The following PIK3IP1 variants were observed in gnomAD, a reference collection of about 807,000 sequenced individuals.
PIK3IP1 encodes phosphoinositide-3-kinase interacting protein 1, also known as phosphoinositide-3-kinase-interacting protein 1.
PIK3IP1 carries 28 observed loss-of-function variants against 30.7 expected under a neutral mutation model. That is an observed-to-expected ratio of 0.91 (90% CI 0.68 to 1.25). The LOEUF is 1.25. Ranked by LOEUF, PIK3IP1 falls within the 50% of genes most tolerant of loss-of-function variation. The probability of loss-of-function intolerance (pLI) is 0.00; values close to 1 mark genes in which losing one functional copy is unlikely to be tolerated. For synonymous variants in PIK3IP1, 159 were observed against 140.8 expected (o/e 1.13, Z -0.91); for missense variants, 333 against 346.2 (o/e 0.96, Z 0.30).
chr22:31,283,053 G>A lies in PIK3IP1; in HGVS notation c.*31C>T, dbSNP rs1601457406. ...GGAGGGTGGGCTGTCCTGCACCAGT[G>A]TCTGCATGGGCTCCTGCCCACTGGG... On this transcript the variant is annotated 3_prime_UTR_variant, in exon 6 of 6. Coordinates refer to ENST00000215912, the MANE Select transcript of PIK3IP1 (RefSeq NM_052880.5). 1 of 1,540,382 alleles carries A rather than the reference G, an allele frequency of 6.5e-7. No individual in the cohort carries two copies. Among genetic ancestry groups the A allele is most frequent in the Non-Finnish European group, 8.8e-7 (1 of 1,133,240 alleles).
chr22:31,283,325 C>G, intron 5 of PIK3IP1, 37 bp from the exon 6 acceptor site: 2 of 1,606,698 alleles, frequency 1.2e-6, no homozygotes, highest in Non-Finnish European at 1.7e-6. Context: ...TCAGGCTATG[C>G]CTCCTGCATA....
At chr22:31,292,020 A>G (rs1057362696) in intron 1 of PIK3IP1, among the ~76,000 whole-genome samples, 1 of 152,176 alleles carries the variant, frequency 6.6e-6, no homozygotes, top group Non-Finnish European at 1.5e-5. Flanking sequence ...GGAGTAGGGG[A>G]GATGAACCCC....
chr22:31,290,977 G>C lies in PIK3IP1; in HGVS notation c.295C>G (p.Leu99Val), dbSNP rs988932134. 2 of 1,605,054 alleles carry C rather than the reference G, an allele frequency of 1.2e-6. No individual in the cohort carries two copies. Among genetic ancestry groups the C allele is most frequent in the Non-Finnish European group, 1.7e-6 (2 of 1,176,846 alleles). ...GVPEKRPCED[L>V]RCPETTSQAL... is the part of the protein sequence containing the mutation. ...CCCGGGCAGGTACCTGGACAGCGCA[G>C]GTCCTCGCAAGGCCGTTTCTCAGGG... The change falls in exon 3 of 6, where the codon CTG becomes GTG. Residue 99 changes from leucine (L) to valine (V), a missense_variant. This residue lies in a region of PIK3IP1 where 217 missense variants were observed against 227.7 expected (regional missense o/e 0.95). Transcript: ENST00000215912.
chr22:31,291,257 T>C lies in PIK3IP1; in HGVS notation c.110A>G (p.Gln37Arg). The C allele has an allele frequency of 6.4e-7, 1 of 1,554,316 alleles. No homozygotes were observed. Among genetic ancestry groups the C allele is most frequent in the Non-Finnish European group, 8.7e-7 (1 of 1,149,472 alleles). The change falls in exon 2 of 6, where the codon CAG becomes CGG. Residue 37 changes from glutamine (Q) to arginine (R), a missense_variant. Gln to Arg is a conservative substitution (Grantham distance 43, BLOSUM62 1). Around this residue, in one of 3 missense-constraint regions of PIK3IP1, gnomAD observed 111 missense variants for 100.1 expected, o/e 1.11. Coordinates refer to ENST00000215912, the MANE Select transcript of PIK3IP1 (RefSeq NM_052880.5). ...GCGGAGGCCCGGCGCGGGGGAGGTC[T>C]GGTCCTCCCGGTACAGGTGGCCGTT... is the stretch of plus-strand genomic sequence containing the variant. The part of the protein sequence containing the change: ...WDNGHLYRED[Q>R]TSPAPGLRCL...
chr22:31,286,463 G>A (rs979656646), intron 5 of PIK3IP1, among the ~76,000 whole-genome samples: 8 of 152,178 alleles, frequency 5.3e-5, no homozygotes, highest in Non-Finnish European at 8.8e-5. Flanking sequence ...GCCCACATGC[G>A]GTTTCCTGTT....
In PIK3IP1 at chr22:31,292,315, G is replaced by A; in HGVS notation, c.30C>T (p.Leu10=). Residue 10 remains leucine (L), a synonymous_variant, in exon 1 of 6, where the codon CTC becomes CTT. Transcript: ENST00000215912. MLLAWVQAF[L]VSNMLLAEAY... is the part of the protein sequence containing the mutation. ...CTTCTGCTAGGAGCATGTTGCTGAC[G>A]AGGAATGCTTGTACCCAGGCCAACA... is the stretch of plus-strand genomic sequence containing the variant. 1 of 1,614,148 alleles carries A rather than the reference G, an allele frequency of 6.2e-7. No individual in the cohort carries two copies. Among genetic ancestry groups the A allele is most frequent in the Non-Finnish European group, 8.5e-7 (1 of 1,180,006 alleles).
Position 31,292,463 on chromosome 22 carries a change from C to A in PIK3IP1, c.-119G>T. On this transcript the variant is annotated 5_prime_UTR_variant, in exon 1 of 6. Coordinates refer to ENST00000215912, the MANE Select transcript of PIK3IP1 (RefSeq NM_052880.5). ...TCAGACCTGCCCTTGTTATGCTGTT[C>A]TGGTAAACAGCCTCTCTTTAGAACT... The A allele has an allele frequency of 1.3e-6, 1 of 766,858 alleles. No individual in the cohort carries two copies. The highest frequency in any genetic ancestry group is 2.3e-6 in the Non-Finnish European group (1 of 441,078). The allele number at this position is 766,858 out of a possible 1,614,324, so 47.5% of individuals were successfully genotyped here. A position where few individuals can be genotyped will look rare whatever the true frequency, so the allele number is the denominator to read the frequency against.
At position 31,290,854 on chromosome 22, in the gene PIK3IP1, G is replaced by A. The variant is rs536394940; in HGVS notation, c.307+111C>T. On this transcript the variant is annotated intron_variant, in intron 3 of 5. Transcript: ENST00000215912. ...ACAGCCCTGGCCAATCGGACGGCGCGGAGGCGGAGCGGGGCCGGCCGGCAT... is the reference window on the plus strand; with the variant it reads ...ACAGCCCTGGCCAATCGGACGGCGCAGAGGCGGAGCGGGGCCGGCCGGCAT... The A allele has an allele frequency of 1.7e-3, 2,348 of 1,397,762 alleles. 5 individuals carry two copies. The highest frequency in any genetic ancestry group is 2.3e-3 in the Admixed American group (69 of 30,440). 86.6% of individuals were successfully genotyped at this position (1,397,762 alleles called of 1,614,324 possible). A position where few individuals can be genotyped will look rare whatever the true frequency, so the allele number is the denominator to read the frequency against.
intron 5 of PIK3IP1, among the ~76,000 whole-genome samples, chr22:31,284,544 T>C (rs2049117171): frequency 6.6e-6 from 1 of 152,104 alleles, no homozygotes; most frequent in South Asian, 2.1e-4. Flanking sequence ...TGGGTGACCT[T>C]TGAGAGGCCA....
chr22:31,290,944 C>T (rs771352902), intron 3 of PIK3IP1, 21 bp downstream of exon 3: 21 of 1,549,066 alleles, frequency 1.4e-5, no homozygotes, highest in Non-Finnish European at 1.7e-5. Flanking sequence ...AGCGGGGATT[C>T]CCGGGGTCCC....
chr22:31,289,512 G>A lies in PIK3IP1; in HGVS notation c.495C>T (p.Asp165=). ...RVRMNSKEKK[D]LGTLGYVLGI... is the part of the protein sequence containing the mutation. Reference sequence around the variant, plus strand: ...GGACCGTCATACCCAGAGTTCCCAGGTCCTTTTTCTCCTTGGAGTTCATCC... The same window carrying A: ...GGACCGTCATACCCAGAGTTCCCAGATCCTTTTTCTCCTTGGAGTTCATCC... Residue 165 remains aspartate, a synonymous_variant, in exon 4 of 6, where the codon GAC becomes GAT. Transcript: ENST00000215912. The A allele has an allele frequency of 6.5e-7, 1 of 1,534,766 alleles. No individual in the cohort carries two copies. The highest frequency in any genetic ancestry group is 8.8e-7 in the Non-Finnish European group (1 of 1,138,908).
At position 31,283,306 on chromosome 22, in the gene PIK3IP1, A is replaced by G; in HGVS notation, c.588-18T>C. On this transcript the variant is annotated intron_variant, in intron 5 of 5. Coordinates refer to ENST00000215912, the MANE Select transcript of PIK3IP1 (RefSeq NM_052880.5). ...CCTTCCCCCTGGCAGGAAAAAAACA[A>G]ACAAACATTCAGGCTATGCCTCCTG... The G allele has an allele frequency of 6.2e-7, 1 of 1,612,970 alleles. No homozygotes were observed. The highest frequency in any genetic ancestry group is 8.5e-7 in the Non-Finnish European group (1 of 1,179,386).
intron 3 of PIK3IP1, chr22:31,290,066 C>T (rs2049162195): frequency 9.8e-6 from 2 of 204,160 alleles, no homozygotes; most frequent in African/African-American, 2.3e-5. Flanking sequence ...CACATCTAAG[C>T]GTACGCTCTG....
intron 3 of PIK3IP1, chr22:31,290,732 A>C (rs942727258): frequency 7.2e-6 from 4 of 552,890 alleles, no homozygotes; most frequent in African/African-American, 6.0e-5. Context: ...GCCTCACCCC[A>C]GCCTCGCCCC....
In PIK3IP1 at chr22:31,290,954, C is replaced by CGGGCAGGTACCTGGACA. The variant is rs755758978; in HGVS notation, c.301_307+10dup. ...CCAGGAGCGGGGATTCCCGGGGTCC[C>CGGGCAGGTACCTGGACA]GGGCAGGTACCTGGACAGCGCAGGT... On this transcript the variant is annotated intron_variant, in intron 3 of 5. Transcript: ENST00000215912. 5.7e-6 allele frequency: 9 copies of CGGGCAGGTACCTGGACA among 1,566,268 alleles called. No homozygotes were observed. The Admixed American group carries it at 1.4e-4, about 24-fold the overall frequency.
chr22:31,284,218 T>C (rs146529448), intron 5 of PIK3IP1, among the ~76,000 whole-genome samples: 2,037 of 152,364 alleles, frequency 0.013, 21 homozygotes, highest in Middle Eastern at 0.027. Flanking sequence ...CCCTGTTTTA[T>C]AGATGAAGAA....
intron 5 of PIK3IP1, among the ~76,000 whole-genome samples, chr22:31,283,666 A>T (rs1413283404): frequency 6.6e-6 from 1 of 151,816 alleles, no homozygotes; most frequent in Non-Finnish European, 1.5e-5. Context: ...ACTGGGCTCA[A>T]GCGATCCTCC....
intron 1 of PIK3IP1, 38 bp downstream of exon 1, chr22:31,292,237 C>T (rs1168283947): frequency 6.2e-7 from 1 of 1,600,794 alleles, no homozygotes; most frequent in East Asian, 2.2e-5. Context: ...CCTTCTGTTT[C>T]ATGAAGTTGC....
Position 31,292,307 on chromosome 22 carries a change from T to G in PIK3IP1, c.38A>C (p.Asn13Thr). ...LAWVQAFLVS[N>T]MLLAEAYGSG... is the part of the protein sequence containing the mutation. The stretch of plus-strand genomic sequence containing the variant: ...TCCATAGGCTTCTGCTAGGAGCATG[T>G]TGCTGACGAGGAATGCTTGTACCCA... Residue 13 changes from asparagine (N) to threonine (T), a missense_variant, in exon 1 of 6, where the codon AAC becomes ACC. Coordinates refer to ENST00000215912, the MANE Select transcript of PIK3IP1 (RefSeq NM_052880.5). The G allele has an allele frequency of 6.2e-7, 1 of 1,614,188 alleles. No individual in the cohort carries two copies. The highest frequency in any genetic ancestry group is 8.5e-7 in the Non-Finnish European group (1 of 1,180,008).
Sources: allele counts gnomAD v4.1 joint callset (sites outside exome capture counted in the v4.1 genomes callset), GRCh38; gene constraint gnomAD v4.1.1; regional missense constraint gnomAD v4.1.1; transcripts MANE v1.5; gene names NCBI Gene and HGNC (gene_info 2026-07-23, HGNC 2026-07-21).